The following ERCC1 variants were observed in gnomAD, a reference collection of about 807,000 sequenced individuals.
ERCC1 encodes ERCC excision repair 1, endonuclease non-catalytic subunit.
In ERCC1, 36 loss-of-function variants were observed where a neutral mutation model predicts 37.6. That is an observed-to-expected ratio of 0.96 (90% CI 0.73 to 1.26). The LOEUF (loss-of-function observed/expected upper bound fraction) is 1.26. Among genes scored for constraint, ERCC1 ranks in the 50% most tolerant of loss-of-function variants. The probability of loss-of-function intolerance (pLI) is 0.00; values close to 1 mark genes in which losing one functional copy is unlikely to be tolerated. For missense variants in ERCC1, 349 were observed against 376.5 expected (o/e 0.93, Z 0.60); for synonymous variants, 156 against 162.1 (o/e 0.96, Z 0.28).
intron 5 of ERCC1, among the ~76,000 whole-genome samples, chr19:45,418,252 G>A (rs562325489): frequency 2.6e-5 from 4 of 152,284 alleles, no homozygotes; most frequent in Admixed American, 6.5e-5. Flanking sequence ...AGGAGGCTGA[G>A]TCAGGAGAAT....
chr19:45,437,104 C>A (rs1974999998), intron 1 of ERCC1, among the ~76,000 whole-genome samples: 1 of 151,944 alleles, frequency 6.6e-6, no homozygotes, highest in African/African-American at 2.4e-5. Flanking sequence ...ACAAAATTAG[C>A]CAGGCGTTGT....
intron 1 of ERCC1, among the ~76,000 whole-genome samples, chr19:45,444,316 G>T (rs1467750809): frequency 1.7e-4 from 1 of 6,046 alleles, no homozygotes; most frequent in Non-Finnish European, 3.4e-4. Flanking sequence ...GCCCCTCCCC[G>T]CCCCTAGGCC....
chr19:45,425,014 C>T (rs1310137996), upstream of ERCC1, among the ~76,000 whole-genome samples: 6 of 150,536 alleles, frequency 4.0e-5, no homozygotes, highest in Non-Finnish European at 8.9e-5. Flanking sequence ...CTCCCCCTCC[C>T]GGGTTCAAGC....
At chr19:45,423,403 G>A (rs761496632) in intron 1 of ERCC1, 22 bp from the exon 2 acceptor site, 1 of 1,594,808 alleles carries the variant, frequency 6.3e-7, no homozygotes, top group Non-Finnish European at 8.5e-7. Context: ...GGTGCCAGGA[G>A]CGAGTGAGCC....
intron 1 of ERCC1, among the ~76,000 whole-genome samples, chr19:45,446,515 C>T (rs940688942): frequency 1.1e-4 from 17 of 152,178 alleles, no homozygotes; most frequent in African/African-American, 3.9e-4. Context: ...GGTCGCTTAA[C>T]TTGCCTAAGG....
chr19:45,439,792 C>T (rs2123599495), intron 1 of ERCC1, among the ~76,000 whole-genome samples: 1 of 152,122 alleles, frequency 6.6e-6, no homozygotes, highest in South Asian at 2.1e-4. Flanking sequence ...GATCGAGGCC[C>T]CCTCGCCGTG....
rs1383639797 is a variant in ERCC1, at chr19:45,408,661, G to C, written c.*1014C>G. On this transcript the variant is annotated 3_prime_UTR_variant, in exon 10 of 10. Transcript: ENST00000300853. ...AACCAGAGGCAGCAGGGCCTGTGGG[G>C]ACAGAGCCCACAGTGGAGACACTGG... 1 of 1,613,914 alleles carries C rather than the reference G, an allele frequency of 6.2e-7. No homozygotes were observed. The highest frequency in any genetic ancestry group is 8.5e-7 in the Non-Finnish European group (1 of 1,179,968).
At position 45,423,866 on chromosome 19, in the gene ERCC1, A is replaced by C; in HGVS notation, c.-93T>G. On this transcript the variant is annotated 5_prime_UTR_variant, in exon 1 of 10. Coordinates refer to ENST00000300853, the MANE Select transcript of ERCC1 (RefSeq NM_001983.4). ...CAAGGGAAAGACTGCAGAGGGATCG[A>C]GGCGGCCCACTGCCAGCACGGCCAG... The C allele has an allele frequency of 2.7e-6, 3 of 1,108,540 alleles. No individual in the cohort carries two copies. Among genetic ancestry groups the C allele is most frequent in the Non-Finnish European group, 3.3e-6 (3 of 902,964 alleles). The allele number at this position is 1,108,540 out of a possible 1,614,324, so 68.7% of individuals were successfully genotyped here.
chr19:45,448,586 G>A (rs1019238574), intron 1 of ERCC1, among the ~76,000 whole-genome samples: 1 of 152,058 alleles, frequency 6.6e-6, no homozygotes, highest in Non-Finnish European at 1.5e-5. Flanking sequence ...AGTTGCTCAC[G>A]CCAGTAATCC....
chr19:45,436,497 GC>G (rs1226460429), intron 1 of ERCC1, among the ~76,000 whole-genome samples: 1 of 151,776 alleles, frequency 6.6e-6, no homozygotes, highest in African/African-American at 2.4e-5. Flanking sequence ...ATGGTGGCGG[GC>G]GCCTGTAGAC....
chr19:45,431,187 A>G (rs1185262156), intron 1 of ERCC1, among the ~76,000 whole-genome samples: 2 of 152,210 alleles, frequency 1.3e-5, no homozygotes, highest in African/African-American at 2.4e-5. Flanking sequence ...TGATATTGCA[A>G]CAGACCAAAT....
In ERCC1 at chr19:45,408,062, A is replaced by AAAAAAAAATCAAAAAACCT; in HGVS notation, c.*1612_*1613insAGGTTTTTTGATTTTTTTT. On this transcript the variant is annotated 3_prime_UTR_variant, in exon 10 of 10. Transcript: ENST00000300853. Reference sequence around the variant, plus strand: ...GAGCAAGACTCTCTCAAAAAAAAACAAAAAAAAAATCAAAAAACCTTCCCT... The same window carrying AAAAAAAAATCAAAAAACCT: ...GAGCAAGACTCTCTCAAAAAAAAACAAAAAAAAATCAAAAAACCTAAAAAAAAATCAAAAAACCTTCCCT... 4 of 755,296 alleles carry AAAAAAAAATCAAAAAACCT rather than the reference A, an allele frequency of 5.3e-6. No individual in the cohort carries two copies. The highest frequency in any genetic ancestry group is 5.0e-6 in the Non-Finnish European group (3 of 604,704). 46.8% of individuals were successfully genotyped at this position (755,296 alleles called of 1,614,324 possible).
chr19:45,419,156 C>T lies in ERCC1; in HGVS notation c.467G>A (p.Arg156Gln), dbSNP rs201089019. 1.3e-5 allele frequency: 21 copies of T among 1,598,488 alleles called. No homozygotes were observed. The Admixed American group carries it at 2.8e-4, about 21-fold the overall frequency. ...HNLHPDYIHGRLQSLGKNFAL... is the reference protein window; with the variant it reads ...HNLHPDYIHGQLQSLGKNFAL... The stretch of plus-strand genomic sequence containing the variant: ...GAAGTTCTTCCCCAGGCTCTGCAGC[C>T]GCCCATGGATGTAGTCTGGGTGCAG... The change falls in exon 5 of 10, where the codon CGG becomes CAG. Residue 156 changes from arginine (R) to glutamine (Q), a missense_variant. Transcript: ENST00000300853.
chr19:45,429,267 C>G (rs1974777847), intron 1 of ERCC1: 1 of 152,152 alleles, frequency 6.6e-6, no homozygotes, highest in African/African-American at 2.4e-5. Context: ...TTGAGACCAG[C>G]CTGGCCAGCA....
chr19:45,445,561 T>G (rs139357301), intron 1 of ERCC1, among the ~76,000 whole-genome samples: 2 of 152,272 alleles, frequency 1.3e-5, no homozygotes, highest in East Asian at 3.9e-4. Flanking sequence ...AATGGGATGG[T>G]CAGGGAAGGC....
Position 45,409,877 on chromosome 19 carries a change from GTTATTA to G in ERCC1, c.844-158_844-153del, listed in dbSNP as rs1243917856. 2,576 of 256,380 alleles carry G rather than the reference GTTATTA, an allele frequency of 0.01. 79 individuals carry two copies. The highest frequency in any genetic ancestry group is 0.056 in the African/African-American group (2,237 of 39,616). The allele number at this position is 256,380 out of a possible 1,614,324, so 15.9% of individuals were successfully genotyped here. On this transcript the variant is annotated intron_variant, in intron 9 of 9. Coordinates refer to ENST00000300853, the MANE Select transcript of ERCC1 (RefSeq NM_001983.4). The stretch of plus-strand genomic sequence containing the variant: ...AACAATCCAGTTACAATCTTTTTAA[GTTATTA>G]TTATTATTATTATTTTTTTTTTTTT...
At chr19:45,450,417 G>T (rs1326604005) in intron 1 of ERCC1, among the ~76,000 whole-genome samples, 3 of 152,172 alleles carry the variant, frequency 2.0e-5, no homozygotes, top group Non-Finnish European at 4.4e-5. Context: ...TAACGCCTCA[G>T]TTCCGCCACG....
At chr19:45,415,652 A>C (rs1347610087) in intron 6 of ERCC1, among the ~76,000 whole-genome samples, 1 of 151,642 alleles carries the variant, frequency 6.6e-6, no homozygotes, top group African/African-American at 2.4e-5. Flanking sequence ...AAAAAAAAAA[A>C]AAAAAACAAT....
upstream of ERCC1, among the ~76,000 whole-genome samples, chr19:45,424,617 A>C (rs986828350): frequency 4.6e-5 from 7 of 152,148 alleles, no homozygotes; most frequent in African/African-American, 1.7e-4. Context: ...TGGTCTTGTA[A>C]ATTTTGTCTT....
Sources: allele counts gnomAD v4.1 joint callset (sites outside exome capture counted in the v4.1 genomes callset), GRCh38; gene constraint gnomAD v4.1.1; transcripts MANE v1.5; gene names NCBI Gene and HGNC (gene_info 2026-07-23, HGNC 2026-07-21).